Variants in TAPBPL observed in about 807,000 individuals in gnomAD.
TAPBPL encodes the protein tapasin-related protein.
In TAPBPL, 32 loss-of-function variants were observed where a neutral mutation model predicts 44.8. That is an observed-to-expected ratio of 0.71 (90% CI 0.54 to 0.96). The LOEUF is 0.96. Ranked by LOEUF, TAPBPL falls within the 40% of genes least tolerant of loss-of-function variation. The pLI is 0.00. For synonymous variants in TAPBPL, 230 were observed against 240.7 expected (o/e 0.96, Z 0.41); for missense variants, 520 against 586.6 (o/e 0.89, Z 1.17).
downstream of TAPBPL, chr12:6,466,465 T>C (rs1206045277): frequency 5.6e-6 from 7 of 1,252,688 alleles, no homozygotes; most frequent in Admixed American, 2.8e-5. Context: ...GGAGGAGCGC[T>C]TGAGCCCAGG....
At chr12:6,469,477 T>A (rs557450356), downstream of TAPBPL, among the ~76,000 whole-genome samples, 2 of 152,314 alleles carry the variant, frequency 1.3e-5, no homozygotes, top group South Asian at 2.1e-4. Context: ...CATATCTGGT[T>A]AAAACCATAG....
At chr12:6,466,576 A>C, downstream of TAPBPL, 2 of 414,380 alleles carry the variant, frequency 4.8e-6, no homozygotes, top group East Asian at 4.8e-5. Context: ...CACTTAAACA[A>C]TTATGATTAG....
chr12:6,462,396 A>G, downstream of TAPBPL: 2 of 497,382 alleles, frequency 4.0e-6, no homozygotes, highest in Non-Finnish European at 3.6e-6. Flanking sequence ...ACAGACACAC[A>G]GTGGAAACCC....
chr12:6,470,171 G>T (rs958751623), downstream of TAPBPL, among the ~76,000 whole-genome samples: 16 of 152,172 alleles, frequency 1.1e-4, no homozygotes, highest in African/African-American at 3.9e-4. Flanking sequence ...CCAGATGACA[G>T]AAATACCTTT....
chr12:6,465,386 GTATATATATATATAAA>G (rs1565526080), downstream of TAPBPL: 1 of 59,502 alleles, frequency 1.7e-5, no homozygotes, highest in African/African-American at 6.0e-5. Flanking sequence ...GTATATATAT[GTATATATATATATAAA>G]TGTATATATA....
At chr12:6,464,739 T>C, downstream of TAPBPL, 1 of 1,516,884 alleles carries the variant, frequency 6.6e-7, no homozygotes, top group Non-Finnish European at 8.8e-7. Flanking sequence ...TCTCTGCCCT[T>C]CCCCCGTCCC....
At chr12:6,471,426 T>C (rs1207448154), downstream of TAPBPL, among the ~76,000 whole-genome samples, 1 of 152,146 alleles carries the variant, frequency 6.6e-6, no homozygotes, top group Admixed American at 6.5e-5. This position sits in a 1 kb window ranked among gnomAD's most constrained non-coding sequence, Gnocchi z 4.0. Flanking sequence ...ATCGAGTTGA[T>C]TTTTCCTTCT....
At chr12:6,452,636 G>A in intron 1 of TAPBPL, 1 of 1,292,752 alleles carries the variant, frequency 7.7e-7, no homozygotes. Context: ...AAATCACTTG[G>A]AAGGTGACCT....
intron 1 of TAPBPL, 120 bp from the exon 2 acceptor site, chr12:6,452,946 CT>C: frequency 9.5e-7 from 1 of 1,047,734 alleles, no homozygotes; most frequent in Non-Finnish European, 1.4e-6. Flanking sequence ...ACAGAAACAG[CT>C]AGGATCTTGG....
chr12:6,452,431 G>C, intron 1 of TAPBPL, 119 bp downstream of exon 1: 1 of 1,456,084 alleles, frequency 6.9e-7, no homozygotes, highest in Non-Finnish European at 9.1e-7. Flanking sequence ...CGCCTTCTAA[G>C]CCCAACAGGG....
downstream of TAPBPL, chr12:6,466,535 G>A: frequency 1.8e-6 from 1 of 552,840 alleles, no homozygotes; most frequent in East Asian, 3.4e-5. Context: ...CAGACAAAAA[G>A]AAAGGACTCA....
chr12:6,465,442 GTATA>G (rs1949995733), downstream of TAPBPL: 2 of 131,248 alleles, frequency 1.5e-5, no homozygotes, highest in African/African-American at 6.8e-5. Flanking sequence ...GTATATATAT[GTATA>G]TATACATATG....
chr12:6,459,934 C>T (rs1326696426), intron 5 of TAPBPL, among the ~76,000 whole-genome samples: 1 of 151,516 alleles, frequency 6.6e-6, no homozygotes, highest in Non-Finnish European at 1.5e-5. Flanking sequence ...CCACGCCTGG[C>T]TAATTTTGCG....
At chr12:6,464,862 C>G (rs753172231), downstream of TAPBPL, 1 of 1,613,878 alleles carries the variant, frequency 6.2e-7, no homozygotes, top group East Asian at 2.2e-5. Flanking sequence ...CACCTCTTCA[C>G]CCCACCAGCA....
rs766361234 is a variant in TAPBPL, at chr12:6,453,419, CCT to C, written c.296-25_296-24del. On this transcript the variant is annotated intron_variant, in intron 2 of 6. Coordinates refer to ENST00000266556, the MANE Select transcript of TAPBPL (RefSeq NM_018009.5). The surrounding 1 kb of genome is among the most constrained non-coding windows in gnomAD (Gnocchi z 4.8). ...CCCTGGTGTTCTCACGCTAATTTGC[CCT>C]CTGTGTGTGCCCTGCTTCTCCCCAG... 1.2e-6 allele frequency: 2 copies of C among 1,612,608 alleles called. No homozygotes were observed. Among genetic ancestry groups the C allele is most frequent in the South Asian group, 1.1e-5 (1 of 90,894 alleles).
At chr12:6,462,325 GTTGT>G (rs1949893515), downstream of TAPBPL, 1 of 585,372 alleles carries the variant, frequency 1.7e-6, no homozygotes, top group Admixed American at 3.1e-5. Flanking sequence ...AAGTACAACT[GTTGT>G]TATTACTCTA....
At chr12:6,470,584 CACCCGGTGAGGG>C, downstream of TAPBPL, 3 of 1,612,644 alleles carry the variant, frequency 1.9e-6, no homozygotes, top group Non-Finnish European at 2.5e-6. Flanking sequence ...TGCGGCGAGA[CACCCGGTGAGGG>C]ACGCTGCGGC....
At chr12:6,459,025 G>T (rs1394936550) in intron 5 of TAPBPL, 78 bp downstream of exon 5, 2 of 1,489,294 alleles carry the variant, frequency 1.3e-6, no homozygotes, top group African/African-American at 2.8e-5. Context: ...CTATGGCCTT[G>T]TTCTGCTGCC....
chr12:6,461,249 G>A, intron 6 of TAPBPL: 3 of 1,209,444 alleles, frequency 2.5e-6, no homozygotes, highest in South Asian at 1.7e-5. Flanking sequence ...CAGCTCATGG[G>A]GCACTGGGCC....
Sources: gnomAD v4.1 joint callset for allele counts (sites outside exome capture counted in the v4.1 genomes callset) on GRCh38, gnomAD v4.1.1 for gene constraint, Gnocchi (gnomAD v3.1) non-coding constraint, MANE v1.5 for transcripts, NCBI Gene and HGNC (gene_info 2026-07-23, HGNC 2026-07-21) for gene names.